The following FAM177B variants were observed in gnomAD, a reference collection of about 807,000 sequenced individuals.
FAM177B encodes family with sequence similarity 177 member B.
In FAM177B, 16 loss-of-function variants were observed where a neutral mutation model predicts 16.1. The observed-to-expected ratio is 0.99, with a 90% CI of 0.67 to 1.51. The LOEUF (loss-of-function observed/expected upper bound fraction) is 1.51, where lower values mean the gene tolerates loss of function less well. Among genes scored for constraint, FAM177B ranks in the 40% most tolerant of loss-of-function variants. The pLI is 0.00. For synonymous variants in FAM177B, 56 were observed against 59.9 expected (o/e 0.93, Z 0.30); for missense variants, 178 against 183.7 (o/e 0.97, Z 0.18).
intron 2 of FAM177B, among the ~76,000 whole-genome samples, chr1:222,745,293 G>T (rs1658740873): frequency 6.6e-6 from 1 of 152,086 alleles, no homozygotes; most frequent in Admixed American, 6.6e-5. Flanking sequence ...AAACATCTAG[G>T]TGTGAAATTA....
intron 2 of FAM177B, among the ~76,000 whole-genome samples, chr1:222,742,872 C>A (rs756586038): frequency 6.6e-6 from 1 of 151,826 alleles, no homozygotes; most frequent in Non-Finnish European, 1.5e-5. Flanking sequence ...TATTTTGCTT[C>A]TTTTATCTTT....
At chr1:222,739,250 A>G (rs1187844158) in intron 2 of FAM177B, among the ~76,000 whole-genome samples, 1 of 152,190 alleles carries the variant, frequency 6.6e-6, no homozygotes, top group Non-Finnish European at 1.5e-5. Flanking sequence ...GGCAGTGTGA[A>G]GAAGTGTTTA....
intron 2 of FAM177B, among the ~76,000 whole-genome samples, chr1:222,738,770 A>G (rs1346845777): frequency 1.3e-5 from 2 of 152,206 alleles, no homozygotes; most frequent in Non-Finnish European, 2.9e-5. Context: ...TTTTGTAAAT[A>G]AGTTGATTCC....
At chr1:222,746,784 GC>G in intron 3 of FAM177B, 65 bp downstream of exon 3, 1 of 1,339,024 alleles carries the variant, frequency 7.5e-7, no homozygotes, top group Non-Finnish European at 1.0e-6. Context: ...AAGAGATTGA[GC>G]CAGACAAGGT....
chr1:222,750,156 A>G lies in FAM177B; in HGVS notation c.*98A>G, dbSNP rs1176201616. 8 of 1,532,808 alleles carry G rather than the reference A, an allele frequency of 5.2e-6. No homozygotes were observed. Among genetic ancestry groups the G allele is most frequent in the Non-Finnish European group, 7.0e-6 (8 of 1,145,526 alleles). 95.0% of individuals were successfully genotyped at this position (1,532,808 alleles called of 1,614,324 possible). A position where few individuals can be genotyped will look rare whatever the true frequency, so the allele number is the denominator to read the frequency against. On this transcript the variant is annotated 3_prime_UTR_variant, in exon 6 of 6. Coordinates refer to ENST00000445590, the MANE Select transcript of FAM177B (RefSeq NM_001394345.1). ...ATCTGTTCCTTGGCCATTGATTACC[A>G]TGGCAACAACACCAGAGGTAGCACT...
chr1:222,738,691 C>A (rs991238281), intron 2 of FAM177B, among the ~76,000 whole-genome samples: 3 of 149,870 alleles, frequency 2.0e-5, no homozygotes, highest in African/African-American at 7.4e-5. Flanking sequence ...AAAAATTAAA[C>A]CAAAGCCAAA....
At chr1:222,749,716 T>C (rs1333524379) in intron 5 of FAM177B, among the ~76,000 whole-genome samples, 154 bp downstream of exon 5, 1 of 152,230 alleles carries the variant, frequency 6.6e-6, no homozygotes, top group Non-Finnish European at 1.5e-5. Context: ...TTTCTAGTTC[T>C]GTTCACCCAG....
chr1:222,746,863 C>A, intron 3 of FAM177B, 144 bp downstream of exon 3: 1 of 891,396 alleles, frequency 1.1e-6, no homozygotes, highest in Non-Finnish European at 1.7e-6. Flanking sequence ...CATGCATAGG[C>A]AACTTACAAT....
chr1:222,747,034 C>A lies in FAM177B; in HGVS notation c.194C>A (p.Pro65His), dbSNP rs1658832506. The A allele has an allele frequency of 6.2e-7, 1 of 1,611,172 alleles. No individual in the cohort carries two copies. Among genetic ancestry groups the A allele is most frequent in the Non-Finnish European group, 8.5e-7 (1 of 1,177,584 alleles). Residue 65 changes from proline (P) to histidine (H), a missense_variant, in exon 4 of 6, where the codon CCC becomes CAC. Pro to His is a moderately conservative substitution (Grantham distance 77). Coordinates refer to ENST00000445590, the MANE Select transcript of FAM177B (RefSeq NM_001394345.1). ...TTTCAGTCTAAACTTTCCTGGGGGC[C>A]CTACCTACGATTTTGGGCAGGACGA... Reference protein sequence around the residue: ...TLDPSKLSWGPYLRFWAGRIA... With the variant: ...TLDPSKLSWGHYLRFWAGRIA...
At position 222,749,932 on chromosome 1, in the gene FAM177B, C is replaced by A; in HGVS notation, c.351C>A (p.Asn117Lys). ...TCTCTCCAAAACAGAAAAGTGACAA[C>A]AAAAGTGAAAGGAGAGGATCAAAGG... is the stretch of plus-strand genomic sequence containing the variant. ...FYRIQNKKSDNKSERRGSKAQ... is the reference protein window; with the variant it reads ...FYRIQNKKSDKKSERRGSKAQ... Residue 117 changes from asparagine (N) to lysine (K), a missense_variant, in exon 6 of 6, where the codon AAC becomes AAA. Physicochemically the swap from Asn to Lys is moderately conservative, Grantham distance 94 (BLOSUM62 0). Coordinates refer to ENST00000445590, the MANE Select transcript of FAM177B (RefSeq NM_001394345.1). The A allele has an allele frequency of 6.2e-7, 1 of 1,613,996 alleles. No homozygotes were observed. The highest frequency in any genetic ancestry group is 1.1e-5 in the South Asian group (1 of 91,074).
At chr1:222,749,242 A>G in intron 4 of FAM177B, 1 of 503,850 alleles carries the variant, frequency 2.0e-6, no homozygotes, top group Non-Finnish European at 3.6e-6. Context: ...AAAATAGTTT[A>G]TATATAATCC....
At chr1:222,745,414 C>G (rs1658745535) in intron 2 of FAM177B, among the ~76,000 whole-genome samples, 1 of 151,950 alleles carries the variant, frequency 6.6e-6, no homozygotes, top group Non-Finnish European at 1.5e-5. Flanking sequence ...GAGTTCAAGA[C>G]CAGCCTAGGT....
chr1:222,747,690 T>C (rs1014725739), intron 4 of FAM177B, among the ~76,000 whole-genome samples: 3 of 152,238 alleles, frequency 2.0e-5, no homozygotes, highest in African/African-American at 4.8e-5. Flanking sequence ...CTTGTGAATA[T>C]GATAGGAAGG....
In FAM177B at chr1:222,750,658, C is replaced by G. The variant is rs1659009616; in HGVS notation, c.*600C>G. 1 of 619,998 alleles carries G rather than the reference C, an allele frequency of 1.6e-6. No homozygotes were observed. Among genetic ancestry groups the G allele is most frequent in the African/African-American group, 2.0e-5 (1 of 49,900 alleles). 38.4% of individuals were successfully genotyped at this position (619,998 alleles called of 1,614,324 possible). A position where few individuals can be genotyped will look rare whatever the true frequency, so the allele number is the denominator to read the frequency against. On this transcript the variant is annotated 3_prime_UTR_variant, in exon 6 of 6. Transcript: ENST00000445590. ...AAACAATTGATAAATAATATAAGCT[C>G]TAGAAAAAAATATTAATGGATTATT...
At chr1:222,738,827 A>G (rs1658402852) in intron 2 of FAM177B, among the ~76,000 whole-genome samples, 1 of 152,190 alleles carries the variant, frequency 6.6e-6, no homozygotes, top group Admixed American at 6.5e-5. Context: ...TACCGATTAC[A>G]AAGATGAATT....
chr1:222,741,064 T>TTC (rs1658506393), intron 2 of FAM177B, among the ~76,000 whole-genome samples: 1 of 137,398 alleles, frequency 7.3e-6, no homozygotes, highest in Non-Finnish European at 1.6e-5. Context: ...TTTCTTTTTT[T>TTC]TTTTTTTTTT....
chr1:222,748,857 G>A, intron 4 of FAM177B: 1 of 351,710 alleles, frequency 2.8e-6, no homozygotes. Flanking sequence ...AGAGAAGGCT[G>A]TCGGAAATCC....
Position 222,746,592 on chromosome 1 carries a change from C to T in FAM177B, c.47C>T (p.Pro16Leu), listed in dbSNP as rs1658806546. The change falls in exon 3 of 6, where the codon CCT becomes CTT. Residue 16 changes from proline (P) to leucine (L), a missense_variant. Physicochemically the swap from Pro to Leu is moderately conservative, Grantham distance 98. Transcript: ENST00000445590. ...FQQLDLEKSVPSKKTTPKRII... is the reference protein window; with the variant it reads ...FQQLDLEKSVLSKKTTPKRII... Reference sequence around the variant, plus strand: ...CAGTTAGACCTAGAGAAGAGTGTACCTTCCAAAAAGACTACTCCTAAAAGG... The same window carrying T: ...CAGTTAGACCTAGAGAAGAGTGTACTTTCCAAAAAGACTACTCCTAAAAGG... 1.2e-6 allele frequency: 2 copies of T among 1,610,714 alleles called. No individual in the cohort carries two copies. Among genetic ancestry groups the T allele is most frequent in the Non-Finnish European group, 1.7e-6 (2 of 1,177,134 alleles).
intron 2 of FAM177B, among the ~76,000 whole-genome samples, chr1:222,745,930 A>G (rs1051156686): frequency 2.0e-5 from 3 of 152,182 alleles, no homozygotes; most frequent in African/African-American, 7.2e-5. Flanking sequence ...AAAAAGAAAG[A>G]AAATTAGCCA....
Sources: allele counts gnomAD v4.1 joint callset (sites outside exome capture counted in the v4.1 genomes callset), GRCh38; gene constraint gnomAD v4.1.1; transcripts MANE v1.5; gene names NCBI Gene and HGNC (gene_info 2026-07-23, HGNC 2026-07-21).